Variants in EFCAB8 observed in about 807,000 individuals in gnomAD.
The protein encoded by EFCAB8 is EF-hand calcium-binding domain-containing protein 8.
EFCAB8 carries 100 observed loss-of-function variants against 116.3 expected under a neutral mutation model. That is an observed-to-expected ratio of 0.86 (90% CI 0.73 to 1.02). The LOEUF (loss-of-function observed/expected upper bound fraction) is 1.02. Ranked by LOEUF, EFCAB8 falls within the 50% of genes least tolerant of loss-of-function variation. The pLI is 0.00. For synonymous variants in EFCAB8, 558 were observed against 567.9 expected (o/e 0.98, Z 0.25); for missense variants, 1,320 against 1,416.9 (o/e 0.93, Z 1.10).
chr20:32,877,281 T>G (rs573990108), intron 4 of EFCAB8, among the ~76,000 whole-genome samples: 4 of 150,556 alleles, frequency 2.7e-5, no homozygotes, highest in African/African-American at 9.7e-5. Context: ...CGATCTTGGC[T>G]CTTTGCAACC....
At chr20:32,913,958 C>A (rs1050876697) in intron 17 of EFCAB8, among the ~76,000 whole-genome samples, 6 of 152,266 alleles carry the variant, frequency 3.9e-5, no homozygotes, top group South Asian at 4.1e-4. Context: ...AGACTCTGGG[C>A]AGCCCTACAC....
chr20:32,875,881 G>A (rs1193405975), intron 3 of EFCAB8, 45 bp from the exon 4 acceptor site: 1 of 1,522,704 alleles, frequency 6.6e-7, no homozygotes, highest in South Asian at 1.2e-5. Context: ...ATGGGCCGAG[G>A]GACTTGTGAG....
intron 4 of EFCAB8, among the ~76,000 whole-genome samples, chr20:32,877,207 C>CTTTTTTTTTTTTTTTTTTTTT (rs757130907): frequency 1.4e-4 from 16 of 115,040 alleles, no homozygotes; most frequent in Non-Finnish European, 1.6e-4. Flanking sequence ...TTATTTCTTT[C>CTTTTTTTTTTTTTTTTTTTTT]TTTTTTTTTT....
chr20:32,960,567 G>A (rs184935812), intron 26 of EFCAB8, among the ~76,000 whole-genome samples: 9 of 152,370 alleles, frequency 5.9e-5, no homozygotes, highest in Admixed American at 2.6e-4. Context: ...CCCATAGTAA[G>A]AGACAGGGTA....
intron 22 of EFCAB8, among the ~76,000 whole-genome samples, chr20:32,938,455 G>A (rs1241922601): frequency 1.3e-5 from 2 of 149,630 alleles, no homozygotes; most frequent in African/African-American, 5.0e-5. Context: ...GGTCAGTTAG[G>A]CAAGAAAATG....
At chr20:32,945,049 T>C (rs1305755794) in intron 23 of EFCAB8, among the ~76,000 whole-genome samples, 1 of 152,068 alleles carries the variant, frequency 6.6e-6, no homozygotes, top group East Asian at 1.9e-4. Context: ...CTGGATATCT[T>C]CAAGTCTGCT....
At chr20:32,861,940 T>C (rs1373632431) in intron 1 of EFCAB8, among the ~76,000 whole-genome samples, 2 of 152,058 alleles carry the variant, frequency 1.3e-5, no homozygotes, top group Non-Finnish European at 2.9e-5. Context: ...ACATACACTT[T>C]AGTTTTTTCA....
Position 32,867,732 on chromosome 20 carries a change from A to G in EFCAB8, c.193A>G (p.Ile65Val), listed in dbSNP as rs115908161. The G allele has an allele frequency of 1.1e-3, 1,711 of 1,551,538 alleles. 9 individuals are homozygous for G. In the African/African-American group the frequency reaches 0.016, roughly 14 times the overall value. Residue 65 changes from isoleucine to valine, a missense_variant, in exon 3 of 27, where the codon ATC becomes GTC. Coordinates refer to ENST00000400522, the MANE Select transcript of EFCAB8 (RefSeq NM_001143967.2). ...AKIEKMFEEDINSTGALGMDA... is the reference protein window; with the variant it reads ...AKIEKMFEEDVNSTGALGMDA... The stretch of plus-strand genomic sequence containing the variant: ...GATAGAGAAAATGTTTGAGGAGGAC[A>G]TCAACTCGACTGGAGGTAAGGCCGC...
At chr20:32,945,016 T>C (rs895532094) in intron 23 of EFCAB8, among the ~76,000 whole-genome samples, 3 of 152,050 alleles carry the variant, frequency 2.0e-5, no homozygotes, top group African/African-American at 4.8e-5. Context: ...TTTAAAATTC[T>C]TTTTTCTTTT....
intron 20 of EFCAB8, among the ~76,000 whole-genome samples, chr20:32,927,748 G>A (rs769406321): frequency 6.6e-6 from 1 of 152,270 alleles, no homozygotes; most frequent in Admixed American, 6.5e-5. Context: ...TTTGTACAGT[G>A]AGCACTTGCA....
rs766738519 is a variant in EFCAB8 at position 32,875,992 on chromosome 20, T to C, written c.275T>C (p.Leu92Pro). Residue 92 changes from leucine (L) to proline (P), a missense_variant, in exon 4 of 27, where the codon CTA (leucine) becomes CCA (proline). By Grantham distance (98) the Leu-to-Pro change is moderately conservative. Coordinates refer to ENST00000400522, the MANE Select transcript of EFCAB8 (RefSeq NM_001143967.2). Reference sequence around the variant, plus strand: ...CTGAGCAGTGTGTCGGACGAGATGCTAAAGGAGCTGTTTTTGAAGGTGGAC... The same window carrying C: ...CTGAGCAGTGTGTCGGACGAGATGCCAAAGGAGCTGTTTTTGAAGGTGGAC... ...KVLSSVSDEM[L>P]KELFLKVDSD... 8.4e-6 allele frequency: 13 copies of C among 1,552,106 alleles called. No homozygotes were observed. The highest frequency in any genetic ancestry group is 2.0e-5 in the Admixed American group (1 of 50,990).
rs539816418 is a variant in EFCAB8, at chr20:32,869,158, C to T, written c.208+1411C>T. ...TGGGAGGCTACCTACAGTTCCTGGCCACGCAGGATTCACCAACAGAGCTGT... is the reference window on the plus strand; with the variant it reads ...TGGGAGGCTACCTACAGTTCCTGGCTACGCAGGATTCACCAACAGAGCTGT... On this transcript the variant is annotated intron_variant, in intron 3 of 26. Transcript: ENST00000400522. Among the ~76,000 whole-genome samples the T allele has an allele frequency of 1.3e-5, 2 of 152,234 alleles. 1 individual carries two copies. The highest frequency in any genetic ancestry group is 4.1e-4 in the South Asian group (2 of 4,826).
At chr20:32,948,524 A>AAAGGAAAGAAAG (rs911939306) in intron 23 of EFCAB8, among the ~76,000 whole-genome samples, 1 of 117,486 alleles carries the variant, frequency 8.5e-6, no homozygotes, top group African/African-American at 3.3e-5. Flanking sequence ...AAGAAAGTGA[A>AAAGGAAAGAAAG]AAAGAAAGAA....
At chr20:32,955,012 C>A (rs1022284145) in intron 23 of EFCAB8, among the ~76,000 whole-genome samples, 4 of 182 alleles carry the variant, frequency 0.022, no homozygotes, top group Non-Finnish European at 0.037. Flanking sequence ...GGACATCTAT[C>A]CTCCCCATGA....
chr20:32,887,857 C>T (rs766350324), intron 6 of EFCAB8, among the ~76,000 whole-genome samples: 4 of 152,222 alleles, frequency 2.6e-5, no homozygotes, highest in African/African-American at 9.6e-5. Flanking sequence ...ATTCATTCCT[C>T]GCAACTTTGC....
At chr20:32,869,209 G>C (rs981828660) in intron 3 of EFCAB8, among the ~76,000 whole-genome samples, 3 of 152,250 alleles carry the variant, frequency 2.0e-5, no homozygotes, top group Non-Finnish European at 4.4e-5. Flanking sequence ...CAACAACAGG[G>C]AGAAAAACTC....
At chr20:32,860,699 G>T (rs749534923) in intron 1 of EFCAB8, among the ~76,000 whole-genome samples, 1 of 151,642 alleles carries the variant, frequency 6.6e-6, no homozygotes, top group African/African-American at 2.4e-5. Context: ...ATAAAAATTG[G>T]CATCATAGTG....
intron 7 of EFCAB8, among the ~76,000 whole-genome samples, chr20:32,890,060 C>A (rs1985839305): frequency 1.3e-5 from 2 of 151,296 alleles, no homozygotes; most frequent in Non-Finnish European, 2.9e-5. Flanking sequence ...CCCCCAAAGG[C>A]AGGATGTGCA....
At chr20:32,874,883 A>G (rs1011111970) in intron 3 of EFCAB8, among the ~76,000 whole-genome samples, 1 of 152,116 alleles carries the variant, frequency 6.6e-6, no homozygotes, top group Non-Finnish European at 1.5e-5. Context: ...AGTAGCTGGG[A>G]TTACAGGCAT....
Sources: allele counts gnomAD v4.1 joint callset (sites outside exome capture counted in the v4.1 genomes callset), GRCh38; gene constraint gnomAD v4.1.1; transcripts MANE v1.5; gene names NCBI Gene and HGNC (gene_info 2026-07-23, HGNC 2026-07-21).